Variants in SPON1 observed in about 807,000 individuals in gnomAD.
The protein encoded by SPON1 is spondin 1.
A neutral mutation model predicts 111.7 loss-of-function variants in SPON1; 52 were observed. The observed-to-expected ratio is 0.47, with a 90% CI of 0.37 to 0.59. The LOEUF (loss-of-function observed/expected upper bound fraction) is 0.59. Ranked by LOEUF, SPON1 falls within the 20% of genes least tolerant of loss-of-function variation. SPON1 has a pLI of 0.00. For synonymous variants in SPON1, 410 were observed against 395.8 expected (o/e 1.04, Z -0.43); for missense variants, 957 against 1,068.5 (o/e 0.90, Z 1.46).
intron 5 of SPON1, among the ~76,000 whole-genome samples, chr11:14,101,090 G>A (rs532166825): frequency 5.5e-4 from 83 of 151,986 alleles, no homozygotes; most frequent in African/African-American, 1.9e-3. Context: ...ACTTGATGTC[G>A]TTTTTTTCTT....
intron 6 of SPON1, among the ~76,000 whole-genome samples, chr11:14,209,460 G>A (rs938556106): frequency 6.6e-6 from 1 of 151,894 alleles, no homozygotes; most frequent in East Asian, 1.9e-4. Flanking sequence ...CCCTCCCTGT[G>A]TCCATGTGTT....
At chr11:13,998,336 G>T (rs1554912072) in intron 2 of SPON1, among the ~76,000 whole-genome samples, 1 of 152,178 alleles carries the variant, frequency 6.6e-6, no homozygotes, top group East Asian at 1.9e-4. Context: ...GGAGAGACAA[G>T]ACAGAAATTT....
intron 6 of SPON1, among the ~76,000 whole-genome samples, chr11:14,154,084 C>T (rs1847815149): frequency 1.3e-5 from 2 of 152,190 alleles, no homozygotes; most frequent in Admixed American, 1.3e-4. Flanking sequence ...TTTTCACAGA[C>T]TGGCATCAAG....
intron 6 of SPON1, among the ~76,000 whole-genome samples, chr11:14,179,222 C>G (rs1554933466): frequency 6.6e-6 from 1 of 152,160 alleles, no homozygotes; most frequent in African/African-American, 2.4e-5. Context: ...TTTTGTTTAT[C>G]TTACTTGGGC....
chr11:14,129,052 GAT>G (rs1847496861), intron 5 of SPON1, among the ~76,000 whole-genome samples: 2 of 152,258 alleles, frequency 1.3e-5, no homozygotes, highest in African/African-American at 4.8e-5. Flanking sequence ...CCCAGCCTGT[GAT>G]AGCAGGGGCT....
chr11:14,126,229 T>TC (rs1313147584), intron 5 of SPON1, among the ~76,000 whole-genome samples: 1 of 152,140 alleles, frequency 6.6e-6, no homozygotes, highest in Non-Finnish European at 1.5e-5. Flanking sequence ...CATAGCCCAG[T>TC]CAGGTTGACA....
chr11:14,245,328 A>C (rs1353197163), intron 7 of SPON1, among the ~76,000 whole-genome samples: 2 of 152,192 alleles, frequency 1.3e-5, no homozygotes, highest in African/African-American at 4.8e-5. Context: ...CCAGCCCTGC[A>C]CATGCAGTCC....
At chr11:14,155,557 A>T (rs1240971903) in intron 6 of SPON1, among the ~76,000 whole-genome samples, 1 of 151,210 alleles carries the variant, frequency 6.6e-6, no homozygotes, top group African/African-American at 2.4e-5. Context: ...TGTGCAGTTT[A>T]GTTACATATG....
chr11:13,978,648 T>C (rs1848120538), intron 1 of SPON1, among the ~76,000 whole-genome samples: 1 of 152,078 alleles, frequency 6.6e-6, no homozygotes. Flanking sequence ...TTCAGTAGGG[T>C]CCAAGAGAAA....
chr11:14,161,237 T>TTATATATATCTATATATTTATATATTTA (rs200834992), intron 6 of SPON1, among the ~76,000 whole-genome samples: 1,383 of 52,628 alleles, frequency 0.026, 171 homozygotes, highest in African/African-American at 0.097. Flanking sequence ...ATTTATATAT[T>TTATATATATCTATATATTTATATATTTA]TATATATCTA....
At chr11:14,136,072 C>T (rs1372952996) in intron 6 of SPON1, among the ~76,000 whole-genome samples, 1 of 152,162 alleles carries the variant, frequency 6.6e-6, no homozygotes, top group Non-Finnish European at 1.5e-5. Context: ...CAGGAGCAGT[C>T]CCACTCTCTA....
chr11:14,049,149 A>T (rs1192182316), intron 3 of SPON1, among the ~76,000 whole-genome samples: 1 of 152,204 alleles, frequency 6.6e-6, no homozygotes, highest in Non-Finnish European at 1.5e-5. Context: ...AAACAGAAGC[A>T]TCTGGGCTCC....
intron 2 of SPON1, among the ~76,000 whole-genome samples, chr11:14,026,928 C>T (rs1554915391): frequency 6.6e-6 from 1 of 152,166 alleles, no homozygotes; most frequent in East Asian, 1.9e-4. Context: ...GTCATCTCAT[C>T]CAGGCAGCCA....
intron 6 of SPON1, among the ~76,000 whole-genome samples, chr11:14,137,163 A>G (rs572484362): frequency 6.6e-6 from 1 of 152,208 alleles, no homozygotes; most frequent in Non-Finnish European, 1.5e-5. Context: ...ATCCTGCAGG[A>G]ATCATACATA....
intron 6 of SPON1, among the ~76,000 whole-genome samples, chr11:14,160,417 T>TTA (rs1242579294): frequency 3.2e-4 from 6 of 18,874 alleles, no homozygotes; most frequent in African/African-American, 7.1e-4. Flanking sequence ...ATATATATAT[T>TTA]TATATATATA....
intron 2 of SPON1, among the ~76,000 whole-genome samples, chr11:14,007,489 T>G (rs1848371101): frequency 1.3e-5 from 2 of 152,158 alleles, no homozygotes; most frequent in Non-Finnish European, 2.9e-5. Flanking sequence ...CTGCTTTATA[T>G]TCATTGACAG....
rs76974768 is a variant in SPON1, at chr11:14,245,388, T to C, written c.890+1992T>C. Among the ~76,000 whole-genome samples, 948 of 152,310 alleles carry C rather than the reference T, an allele frequency of 6.2e-3. 14 individuals carry two copies. The highest frequency in any genetic ancestry group is 0.022 in the African/African-American group (897 of 41,560). On this transcript the variant is annotated intron_variant, in intron 7 of 15. Coordinates refer to ENST00000576479, the MANE Select transcript of SPON1 (RefSeq NM_006108.4). ...AGAGGAGACAGACAACAGACCAAGT[T>C]GGGCCACTCCAGGTTTTCCCTTTGC...
chr11:14,225,139 G>A (rs1292680385), intron 6 of SPON1, among the ~76,000 whole-genome samples: 1 of 152,152 alleles, frequency 6.6e-6, no homozygotes, highest in Non-Finnish European at 1.5e-5. Context: ...ATAGAATCCA[G>A]GGTATTATCA....
intron 6 of SPON1, among the ~76,000 whole-genome samples, chr11:14,168,436 G>A (rs1455148556): frequency 6.6e-6 from 1 of 152,044 alleles, no homozygotes; most frequent in Non-Finnish European, 1.5e-5. Context: ...CTCTTTTATA[G>A]ATAAACATAC....
Sources: allele counts gnomAD v4.1 joint callset (sites outside exome capture counted in the v4.1 genomes callset), GRCh38; gene constraint gnomAD v4.1.1; transcripts MANE v1.5; gene names NCBI Gene and HGNC (gene_info 2026-07-23, HGNC 2026-07-21).